Variants in MLLT3 observed in about 807,000 individuals in gnomAD.
The protein encoded by MLLT3 is protein AF-9.
In MLLT3, 4 loss-of-function variants were observed where a neutral mutation model predicts 53.2. The observed-to-expected ratio is 0.08, with a 90% CI of 0.04 to 0.17. The LOEUF is 0.17. MLLT3 is among the 10% of genes least tolerant of loss of function. The pLI, the probability that MLLT3 is intolerant of heterozygous loss-of-function variation, is 1.00. For missense variants in MLLT3, 569 were observed against 684.0 expected (o/e 0.83, Z 1.87); for synonymous variants, 283 against 230.6 (o/e 1.23, Z -2.06).
intron 5 of MLLT3, among the ~76,000 whole-genome samples, chr9:20,377,230 A>G (rs1291596469): frequency 6.6e-6 from 1 of 152,172 alleles, no homozygotes; most frequent in African/African-American, 2.4e-5. Flanking sequence ...GTTTACAATG[A>G]GATCTTGAGA....
chr9:20,356,143 G>A (rs1049225293), intron 8 of MLLT3, among the ~76,000 whole-genome samples: 4 of 152,138 alleles, frequency 2.6e-5, no homozygotes, highest in African/African-American at 9.7e-5. Flanking sequence ...TGACATCCTG[G>A]AAAAGACCGA....
chr9:20,508,455 G>C (rs916755679), intron 2 of MLLT3, among the ~76,000 whole-genome samples: 1 of 152,152 alleles, frequency 6.6e-6, no homozygotes, highest in African/African-American at 2.4e-5. Context: ...CCAGGATCTA[G>C]AGACCTAAAG....
intron 5 of MLLT3, among the ~76,000 whole-genome samples, chr9:20,372,845 GCATTT>G (rs1378671070): frequency 6.6e-6 from 1 of 152,028 alleles, no homozygotes; most frequent in African/African-American, 2.4e-5. Context: ...AAAATTGTAA[GCATTT>G]CTGGCAACAA....
At chr9:20,566,073 T>TATATATATATATAA (rs1321122380) in intron 2 of MLLT3, among the ~76,000 whole-genome samples, 1 of 141,080 alleles carries the variant, frequency 7.1e-6, no homozygotes, top group Non-Finnish European at 1.5e-5. Context: ...TATTTGTGTA[T>TATATATATATATAA]ATATATATAT....
intron 2 of MLLT3, among the ~76,000 whole-genome samples, chr9:20,565,655 C>T (rs1819335353): frequency 6.6e-6 from 1 of 151,540 alleles, no homozygotes; most frequent in African/African-American, 2.4e-5. Context: ...AATTACGGTA[C>T]CTTTTCAAAA....
At chr9:20,505,738 G>C (rs1005354837) in intron 2 of MLLT3, among the ~76,000 whole-genome samples, 4 of 152,138 alleles carry the variant, frequency 2.6e-5, no homozygotes, top group African/African-American at 9.7e-5. Flanking sequence ...TCCAACAGTT[G>C]GTAGGTTTTT....
rs936828819 is a variant in MLLT3, at chr9:20,501,757, CAAAAAAAAAA to C, written c.194-44981_194-44972del. 3.2e-4 allele frequency among the ~76,000 whole-genome samples: 6 copies of C among 18,580 alleles called. 1 individual carries two copies. Among genetic ancestry groups the C allele is most frequent in the African/African-American group, 9.9e-4 (5 of 5,068 alleles). The allele number at this position is 18,580 out of a possible 152,430, so 12.2% of individuals were successfully genotyped here. ...TGGGCGACAGAGCGAGACTCCGTCT[CAAAAAAAAAA>C]AAAAAAAAAAAAAAAAAAACCGCAC... On this transcript the variant is annotated intron_variant, in intron 2 of 10. Coordinates refer to ENST00000380338, the MANE Select transcript of MLLT3 (RefSeq NM_004529.4).
chr9:20,468,986 G>C (rs1824304552), intron 2 of MLLT3, among the ~76,000 whole-genome samples: 1 of 152,178 alleles, frequency 6.6e-6, no homozygotes, highest in Middle Eastern at 3.4e-3. Context: ...TTCTTAAAGA[G>C]AGAACAACTA....
chr9:20,545,776 T>C (rs191420448), intron 2 of MLLT3, among the ~76,000 whole-genome samples: 40 of 146,640 alleles, frequency 2.7e-4, no homozygotes, highest in Admixed American at 1.1e-3. Context: ...CCCAACACTT[T>C]GGGAGGTCAG....
chr9:20,518,482 G>T (rs534714597), intron 2 of MLLT3, among the ~76,000 whole-genome samples: 1 of 152,174 alleles, frequency 6.6e-6, no homozygotes, highest in Non-Finnish European at 1.5e-5. Context: ...CAGGCAAAAT[G>T]CAAGAATGGA....
chr9:20,539,185 G>A (rs1206095274), intron 2 of MLLT3, among the ~76,000 whole-genome samples: 2 of 152,182 alleles, frequency 1.3e-5, no homozygotes, highest in East Asian at 3.8e-4. Context: ...TTTCCCTGTG[G>A]CATGTGATGC....
At chr9:20,517,563 G>A (rs1817948229) in intron 2 of MLLT3, among the ~76,000 whole-genome samples, 1 of 152,148 alleles carries the variant, frequency 6.6e-6, no homozygotes, top group East Asian at 1.9e-4. Context: ...AGGGCCAGGC[G>A]CAGTGGCTCA....
At chr9:20,353,433 G>T in intron 10 of MLLT3, 92 bp downstream of exon 10, 1 of 1,027,508 alleles carries the variant, frequency 9.7e-7, no homozygotes, top group Non-Finnish European at 1.5e-6. Flanking sequence ...ATAGCGTGGG[G>T]CTGCAGTGGC....
At chr9:20,446,150 T>C (rs1823693535) in intron 4 of MLLT3, among the ~76,000 whole-genome samples, 1 of 152,220 alleles carries the variant, frequency 6.6e-6, no homozygotes, top group South Asian at 2.1e-4. Context: ...TTTAAATGCT[T>C]ATTTTACTAC....
Position 20,346,538 on chromosome 9 carries a change from T to C in MLLT3, c.1612A>G (p.Ile538Val), listed in dbSNP as rs749308677. Residue 538 changes from isoleucine to valine, a missense_variant, in exon 11 of 11, where the codon ATC becomes GTC. By Grantham distance (29) the Ile-to-Val change is conservative (BLOSUM62 3). Coordinates refer to ENST00000380338, the MANE Select transcript of MLLT3 (RefSeq NM_004529.4). The stretch of plus-strand genomic sequence containing the variant: ...TCAAAATCAAATGTTGTGTTTGTGA[T>C]ATGAAAGTGTCCAGTTTCTTCTATA... ...NLIEETGHFH[I>V]TNTTFDFDLC... The C allele has an allele frequency of 1.2e-6, 2 of 1,613,806 alleles. No individual in the cohort carries two copies. The highest frequency in any genetic ancestry group is 3.3e-5 in the Admixed American group (2 of 60,018).
At chr9:20,615,970 G>C (rs755656983) in intron 2 of MLLT3, among the ~76,000 whole-genome samples, 1 of 150,886 alleles carries the variant, frequency 6.6e-6, no homozygotes, top group South Asian at 2.1e-4. Flanking sequence ...TTACCTGTAT[G>C]TTAACATATA....
chr9:20,579,852 G>C (rs1326605900), intron 2 of MLLT3, among the ~76,000 whole-genome samples: 4 of 152,188 alleles, frequency 2.6e-5, no homozygotes, highest in African/African-American at 7.2e-5. Flanking sequence ...TGCCTAGGTA[G>C]CAAAGAGGGA....
chr9:20,513,797 T>C (rs1278036028), intron 2 of MLLT3, among the ~76,000 whole-genome samples: 1 of 152,212 alleles, frequency 6.6e-6, no homozygotes, highest in Non-Finnish European at 1.5e-5. Context: ...GAGCCCTGCT[T>C]CTGTGTGAAA....
chr9:20,603,882 T>C (rs976277407), intron 2 of MLLT3, among the ~76,000 whole-genome samples: 11 of 152,198 alleles, frequency 7.2e-5, no homozygotes, highest in Non-Finnish European at 1.2e-4. Context: ...ATACTGAAAT[T>C]TATCTTGAGA....
Sources: gnomAD v4.1 joint callset for allele counts (sites outside exome capture counted in the v4.1 genomes callset) on GRCh38, gnomAD v4.1.1 for gene constraint, MANE v1.5 for transcripts, NCBI Gene and HGNC (gene_info 2026-07-23, HGNC 2026-07-21) for gene names.